Variants in LRMDA observed in about 807,000 individuals in gnomAD.
LRMDA encodes the protein leucine-rich melanocyte differentiation-associated protein.
A neutral mutation model predicts 29.8 loss-of-function variants in LRMDA; 18 were observed. The ratio of observed to expected loss-of-function variants is 0.60; its 90% CI spans 0.42 to 0.90. The LOEUF (loss-of-function observed/expected upper bound fraction) is 0.90, where lower values mean the gene tolerates loss of function less well. Among genes scored for constraint, LRMDA ranks in the 40% least tolerant of loss-of-function variants. LRMDA has a pLI of 0.00. For missense variants in LRMDA, 273 were observed against 273.9 expected (o/e 1.00, Z 0.02); for synonymous variants, 125 against 109.4 (o/e 1.14, Z -0.89).
At chr10:76,480,219 T>G (rs1240333721) in intron 6 of LRMDA, among the ~76,000 whole-genome samples, 1 of 151,932 alleles carries the variant, frequency 6.6e-6, no homozygotes, top group Non-Finnish European at 1.5e-5. Context: ...TTCCCCCAGA[T>G]GTATTAGGCC....
intron 6 of LRMDA, among the ~76,000 whole-genome samples, chr10:76,454,387 C>T (rs1449964821): frequency 6.6e-6 from 1 of 152,090 alleles, no homozygotes; most frequent in Non-Finnish European, 1.5e-5. Flanking sequence ...TTGTTTAATG[C>T]AGACTCCCTA....
chr10:75,565,319 AG>A (rs757850754), intron 2 of LRMDA, among the ~76,000 whole-genome samples: 1 of 152,216 alleles, frequency 6.6e-6, no homozygotes, highest in Non-Finnish European at 1.5e-5. Flanking sequence ...TTGTCAGAAC[AG>A]GGGCTGAATA....
chr10:75,639,927 G>A (rs1300049034), intron 2 of LRMDA, among the ~76,000 whole-genome samples: 1 of 152,190 alleles, frequency 6.6e-6, no homozygotes, highest in East Asian at 1.9e-4. Context: ...AGACAGCTGG[G>A]GTGGTTAATC....
At chr10:75,864,887 C>G (rs954324871) in intron 2 of LRMDA, among the ~76,000 whole-genome samples, 2 of 152,172 alleles carry the variant, frequency 1.3e-5, no homozygotes, top group Non-Finnish European at 2.9e-5. Context: ...GCCATTATAT[C>G]ATACCTCCTT....
intron 2 of LRMDA, among the ~76,000 whole-genome samples, chr10:75,916,417 C>G (rs1310528549): frequency 2.6e-5 from 4 of 152,058 alleles, no homozygotes; most frequent in Non-Finnish European, 5.9e-5. Flanking sequence ...TGAGGCAGCC[C>G]CTACCTGGAT....
chr10:75,773,133 T>G (rs986469606), intron 2 of LRMDA, among the ~76,000 whole-genome samples: 2 of 152,186 alleles, frequency 1.3e-5, no homozygotes, highest in South Asian at 4.1e-4. Context: ...CTGTCTCATA[T>G]GTTGAAGGAT....
intron 2 of LRMDA, among the ~76,000 whole-genome samples, chr10:75,644,272 G>A (rs1841488601): frequency 6.6e-6 from 1 of 152,154 alleles, no homozygotes; most frequent in African/African-American, 2.4e-5. Context: ...GAAGGAGGAT[G>A]ACTGTGGGGC....
At chr10:75,881,136 T>C (rs1031902536) in intron 2 of LRMDA, among the ~76,000 whole-genome samples, 5 of 152,126 alleles carry the variant, frequency 3.3e-5, no homozygotes, top group African/African-American at 7.2e-5. Context: ...CCCATAGTCA[T>C]GGAGAGGAAG....
intron 6 of LRMDA, among the ~76,000 whole-genome samples, chr10:76,517,956 A>ATG (rs1491211003): frequency 7.0e-6 from 1 of 141,866 alleles, no homozygotes; most frequent in Non-Finnish European, 1.6e-5. Context: ...ATATATATAT[A>ATG]TGTAATCAAG....
At chr10:76,432,259 G>T (rs1015167371) in intron 6 of LRMDA, among the ~76,000 whole-genome samples, 8 of 152,018 alleles carry the variant, frequency 5.3e-5, no homozygotes, top group African/African-American at 1.7e-4. Context: ...TCCTTTACTG[G>T]CTCTGTCTTG....
At chr10:75,822,902 AATAATGCTGGC>A (rs1448680698) in intron 2 of LRMDA, among the ~76,000 whole-genome samples, 1 of 152,156 alleles carries the variant, frequency 6.6e-6, no homozygotes, top group Non-Finnish European at 1.5e-5. Context: ...CTATCCAATA[AATAATGCTGGC>A]ATAATTGGAG....
chr10:76,058,773 T>A lies in LRMDA; in HGVS notation c.506T>A (p.Val169Glu), dbSNP rs1243555673. The A allele has an allele frequency of 6.2e-7, 1 of 1,613,078 alleles. No individual in the cohort carries two copies. The highest frequency in any genetic ancestry group is 1.7e-5 in the Admixed American group (1 of 60,008). The change falls in exon 5 of 7, where the codon GTG becomes GAG. Residue 169 changes from valine to glutamate, a missense_variant. Coordinates refer to ENST00000611255, the MANE Select transcript of LRMDA (RefSeq NM_001305581.2). Reference protein sequence around the residue: ...ALVRGVFMKVVKPKASSEDVA... With the variant: ...ALVRGVFMKVEKPKASSEDVA... ...GTCAGAGGAGTCTTCATGAAGGTGGTGAAGCCCAAGGTGAGCTGCCTACTT... is the reference window on the plus strand; with the variant it reads ...GTCAGAGGAGTCTTCATGAAGGTGGAGAAGCCCAAGGTGAGCTGCCTACTT...
At chr10:75,483,118 A>G (rs1033960290) in intron 2 of LRMDA, among the ~76,000 whole-genome samples, 1 of 151,746 alleles carries the variant, frequency 6.6e-6, no homozygotes, top group Non-Finnish European at 1.5e-5. Flanking sequence ...CTAATTTTTT[A>G]TTTTAGTTAG....
At chr10:76,274,819 C>T (rs766193691) in intron 5 of LRMDA, among the ~76,000 whole-genome samples, 1 of 152,170 alleles carries the variant, frequency 6.6e-6, no homozygotes, top group Non-Finnish European at 1.5e-5. Context: ...TGCTTTTCTG[C>T]TCTGAAGGAT....
In LRMDA at chr10:76,447,045, ATTTC is replaced by A. The variant is rs145298070; in HGVS notation, c.602-110156_602-110153del. Among the ~76,000 whole-genome samples, 1,343 of 142,028 alleles carry A rather than the reference ATTTC, an allele frequency of 9.5e-3. 17 individuals are homozygous for A. Among genetic ancestry groups the A allele is most frequent in the African/African-American group, 0.033 (1,286 of 38,608 alleles). 93.2% of individuals were successfully genotyped at this position (142,028 alleles called of 152,430 possible). A position where few individuals can be genotyped will look rare whatever the true frequency, so the allele number is the denominator to read the frequency against. ...TATGTTGGAGACTCCATACTACTTG[ATTTC>A]TTTCTTTTTTTTTTTTAACCTCATT... On this transcript the variant is annotated intron_variant, in intron 6 of 6. Transcript: ENST00000611255.
At chr10:75,637,124 C>T (rs1468242257) in intron 2 of LRMDA, among the ~76,000 whole-genome samples, 1 of 152,154 alleles carries the variant, frequency 6.6e-6, no homozygotes, top group Admixed American at 6.5e-5. Flanking sequence ...GAACTTGGGT[C>T]TCTCTGACTT....
intron 2 of LRMDA, among the ~76,000 whole-genome samples, chr10:75,494,125 A>G (rs1478378408): frequency 3.3e-5 from 5 of 152,214 alleles, no homozygotes; most frequent in Non-Finnish European, 7.3e-5. Context: ...TGTAAAGTTC[A>G]TATGCTATGA....
intron 2 of LRMDA, among the ~76,000 whole-genome samples, chr10:75,936,236 G>A (rs1028769656): frequency 3.3e-5 from 5 of 152,110 alleles, no homozygotes; most frequent in African/African-American, 1.2e-4. Context: ...ATGTGGATAG[G>A]GAGGGAGGTG....
intron 2 of LRMDA, among the ~76,000 whole-genome samples, chr10:75,517,870 C>T (rs11001405): frequency 0.24 from 36,897 of 151,968 alleles, 4,643 homozygotes; most frequent in Non-Finnish European, 0.27. Context: ...TTTGAGATAC[C>T]TTCCATCAAT....
Sources: allele counts gnomAD v4.1 joint callset (sites outside exome capture counted in the v4.1 genomes callset), GRCh38; gene constraint gnomAD v4.1.1; transcripts MANE v1.5; gene names NCBI Gene and HGNC (gene_info 2026-07-23, HGNC 2026-07-21).